RPGR: variants seen among roughly 807,000 people sequenced by gnomAD.
RPGR encodes retinitis pigmentosa GTPase regulator.
Under a neutral mutation model 56.3 loss-of-function variants are expected in RPGR, and 10 were observed. That is an observed-to-expected ratio of 0.18 (90% CI 0.11 to 0.30). The LOEUF (loss-of-function observed/expected upper bound fraction) is 0.30, where lower values mean the gene tolerates loss of function less well. RPGR is among the 10% of genes least tolerant of loss of function. The pLI is 1.00. For missense variants in RPGR, 538 were observed against 590.9 expected (o/e 0.91, Z 0.93); for synonymous variants, 197 against 212.9 (o/e 0.93, Z 0.65).
rs2067058104 is a variant in RPGR, at chrX:38,282,959, C to G, written c.1905+4135G>C. Among the ~76,000 whole-genome samples, 7 of 111,893 alleles carry G rather than the reference C, an allele frequency of 6.3e-5. No individual in the cohort carries two copies. The Admixed American group carries it at 6.6e-4, about 11-fold the overall frequency. On this transcript the variant is annotated intron_variant, in intron 15 of 18. Transcript: ENST00000642395. Reference sequence around the variant, plus strand: ...AAACTACTATAAAAGCCTGAACAACCAGCAGATGGGAACAATAAAGAAGGA... The same window carrying G: ...AAACTACTATAAAAGCCTGAACAACGAGCAGATGGGAACAATAAAGAAGGA...
intron 6 of RPGR, 26 bp downstream of exon 6, chrX:38,317,290 C>T (rs1569257824): frequency 8.4e-7 from 1 of 1,187,529 alleles, no homozygotes; most frequent in Non-Finnish European, 1.1e-6. Flanking sequence ...TGGGAGATAA[C>T]ATGATGACTT....
At chrX:38,286,973 T>G in intron 15 of RPGR, 5 of 1,208,996 alleles carry the variant, frequency 4.1e-6, no homozygotes, top group Non-Finnish European at 5.6e-6. Context: ...TTCTCCCCCT[T>G]CTCCCTCTCC....
intron 3 of RPGR, among the ~76,000 whole-genome samples, chrX:38,322,584 CAA>C (rs760649668): frequency 9.0e-6 from 1 of 111,278 alleles, no homozygotes; most frequent in Non-Finnish European, 1.9e-5. Context: ...AACAAACAAA[CAA>C]AAAAAGATGG....
At chrX:38,282,594 C>T (rs2067051596) in intron 15 of RPGR, among the ~76,000 whole-genome samples, 1 of 111,940 alleles carries the variant, frequency 8.9e-6, no homozygotes, top group Non-Finnish European at 1.9e-5. Context: ...CTTCTGCTCC[C>T]TTATTCTCGA....
intron 6 of RPGR, among the ~76,000 whole-genome samples, chrX:38,312,614 C>T (rs2067742218): frequency 9.0e-6 from 1 of 111,704 alleles, no homozygotes; most frequent in Admixed American, 9.5e-5. Context: ...TGAGTCACAT[C>T]CTCCCTTGGG....
At chrX:38,272,237 TG>T in intron 18 of RPGR, 1 of 111,600 alleles carries the variant, frequency 9.0e-6, no homozygotes, top group East Asian at 2.8e-4. Flanking sequence ...TTAAAAAAAT[TG>T]ACAAATGACA....
Position 38,317,370 on chromosome X carries a change from C to T in RPGR, c.565G>A (p.Gly189Arg), listed in dbSNP as rs1057523984. The T allele has an allele frequency of 8.3e-7, 1 of 1,209,495 alleles. No individual in the cohort carries two copies. Among genetic ancestry groups the T allele is most frequent in the Non-Finnish European group, 1.1e-6 (1 of 893,565 alleles). The change falls in exon 6 of 19, where the codon GGG (glycine) becomes AGG (arginine). Residue 189 changes from glycine to arginine, a missense_variant. Around this residue, in one of 2 missense-constraint regions of RPGR, gnomAD observed 181 missense variants for 265.1 expected, o/e 0.68. Transcript: ENST00000642395. ...CAAGAGATCCAGGAGACAGGTTTCC[C>T]AATGGTCACTTGCTGAGGGACACAG...
chrX:38,282,235 G>A (rs775539772), intron 15 of RPGR, among the ~76,000 whole-genome samples: 19 of 110,784 alleles, frequency 1.7e-4, no homozygotes, highest in African/African-American at 6.2e-4. Flanking sequence ...CCTCTACTAG[G>A]CTGCCTCCTA....
chrX:38,270,045 A>G (rs2066809483), intron 18 of RPGR, among the ~76,000 whole-genome samples: 1 of 111,895 alleles, frequency 8.9e-6, no homozygotes, highest in African/African-American at 3.2e-5. Context: ...AAGACCTCTC[A>G]GGGTCTAACA....
intron 15 of RPGR, among the ~76,000 whole-genome samples, chrX:38,278,921 G>A (rs764266463): frequency 2.7e-5 from 3 of 112,111 alleles, no homozygotes; most frequent in Admixed American, 1.9e-4. Context: ...AAAAAGACAC[G>A]TGGGAGTTTT....
chrX:38,282,682 T>A (rs1300873372), intron 15 of RPGR, among the ~76,000 whole-genome samples: 3 of 111,687 alleles, frequency 2.7e-5, no homozygotes, highest in African/African-American at 9.8e-5. Context: ...TCTTCCATGG[T>A]CACATTTTAT....
chrX:38,310,032 G>A (rs1020085807), intron 7 of RPGR, among the ~76,000 whole-genome samples: 3 of 110,630 alleles, frequency 2.7e-5, no homozygotes, highest in African/African-American at 9.9e-5. Context: ...AGGCTTGAGT[G>A]CAGTGGGACA....
intron 15 of RPGR, among the ~76,000 whole-genome samples, chrX:38,281,967 T>C (rs1429649563): frequency 8.9e-6 from 1 of 111,740 alleles, no homozygotes; most frequent in Non-Finnish European, 1.9e-5. Context: ...TTTTGGTTCA[T>C]AAGCTCACAT....
In RPGR at chrX:38,273,718, AAGGTAAT is replaced by A. The variant is rs759458551; in HGVS notation, c.2150-248_2150-242del. 4.5e-5 allele frequency: 13 copies of A among 287,245 alleles called. No individual in the cohort carries two copies. The East Asian group carries it at 6.3e-4, about 14-fold the overall frequency. The allele number at this position is 287,245 out of a possible 1,213,427, so 23.7% of individuals were successfully genotyped here. The stretch of plus-strand genomic sequence containing the variant: ...TGACCAGTATCCAAATATAGCTACA[AAGGTAAT>A]AGTCAATGTTAGAGAAGACTTCTGT... On this transcript the variant is annotated intron_variant, in intron 17 of 18. Transcript: ENST00000642395.
chrX:38,271,977 A>G (rs1418167442), intron 18 of RPGR, among the ~76,000 whole-genome samples: 2 of 112,221 alleles, frequency 1.8e-5, no homozygotes, highest in Non-Finnish European at 3.8e-5. Context: ...CAAAAATACA[A>G]CTTCACTTAA....
chrX:38,277,168 T>TA (rs747962710), intron 15 of RPGR, among the ~76,000 whole-genome samples: 3 of 112,582 alleles, frequency 2.7e-5, no homozygotes, highest in African/African-American at 9.6e-5. Context: ...TTCCAAAATA[T>TA]AGGGATTTAG....
At chrX:38,273,575 T>C in intron 17 of RPGR, 1 of 630,218 alleles carries the variant, frequency 1.6e-6, no homozygotes, top group Non-Finnish European at 2.5e-6. Flanking sequence ...AGTTGTGGGG[T>C]AATACGAAAA....
chrX:38,321,842 T>A (rs1209484351), intron 3 of RPGR, among the ~76,000 whole-genome samples: 1 of 111,288 alleles, frequency 9.0e-6, no homozygotes, highest in Non-Finnish European at 1.9e-5. Context: ...CACCTATCAG[T>A]CAAAGTTGTT....
intron 15 of RPGR, among the ~76,000 whole-genome samples, chrX:38,277,772 T>C (rs1255141359): frequency 8.9e-6 from 1 of 112,155 alleles, no homozygotes; most frequent in Non-Finnish European, 1.9e-5. Context: ...AGTAGCTGTC[T>C]GGCTAAGGAT....
Sources: allele counts gnomAD v4.1 joint callset (sites outside exome capture counted in the v4.1 genomes callset), GRCh38; gene constraint gnomAD v4.1.1; regional missense constraint gnomAD v4.1.1; transcripts MANE v1.5; gene names NCBI Gene and HGNC (gene_info 2026-07-23, HGNC 2026-07-21).